SPATA1: variants seen among roughly 807,000 people sequenced by gnomAD.
SPATA1 encodes the protein spermatogenesis associated 1.
Under a neutral mutation model 59.6 loss-of-function variants are expected in SPATA1, and 57 were observed. That is an observed-to-expected ratio of 0.96 (90% CI 0.77 to 1.19). SPATA1 has a LOEUF of 1.19. Ranked by LOEUF, SPATA1 falls within the 50% of genes most tolerant of loss-of-function variation. The pLI, the probability that SPATA1 is intolerant of heterozygous loss-of-function variation, is 0.00. For synonymous variants in SPATA1, 147 were observed against 163.9 expected, an observed-to-expected ratio of 0.90 and a Z score of 0.79; for missense variants, 448 against 480.7, an observed-to-expected ratio of 0.93 and a Z score of 0.64.
chr1:84,513,154 T>G (rs1272345945), intron 1 of SPATA1, among the ~76,000 whole-genome samples: 1 of 152,228 alleles, frequency 6.6e-6, no homozygotes, highest in Non-Finnish European at 1.5e-5. Context: ...AGTTTCGCTC[T>G]TGTTGCCCAG....
At chr1:84,529,834 C>A (rs1468591692) in intron 6 of SPATA1, among the ~76,000 whole-genome samples, 1 of 150,658 alleles carries the variant, frequency 6.6e-6, no homozygotes, top group Non-Finnish European at 1.5e-5. Flanking sequence ...GCATGAGTGA[C>A]TGCGCCCGGC....
chr1:84,557,903 T>C (rs1031810603), downstream of SPATA1, among the ~76,000 whole-genome samples: 1 of 151,926 alleles, frequency 6.6e-6, no homozygotes, highest in Non-Finnish European at 1.5e-5. Flanking sequence ...TAGATTTTTT[T>C]CTAAAGTGGC....
chr1:84,533,977 CTT>C (rs1288875649), intron 8 of SPATA1, among the ~76,000 whole-genome samples: 3 of 151,952 alleles, frequency 2.0e-5, no homozygotes, highest in Non-Finnish European at 4.4e-5. Flanking sequence ...CCACCAACAC[CTT>C]TTTGGATTAT....
exon 13 of SPATA1, chr1:84,553,935 T>A (rs1447839740): frequency 1.3e-5 from 2 of 152,178 alleles, no homozygotes; most frequent in African/African-American, 4.8e-5. Context: ...CTTATTTGTA[T>A]AAAATTGATC....
At chr1:84,558,882 C>G (rs1684529355), downstream of SPATA1, among the ~76,000 whole-genome samples, 2 of 151,804 alleles carry the variant, frequency 1.3e-5, no homozygotes, top group South Asian at 4.1e-4. Flanking sequence ...TCCTGGGTGA[C>G]AGAGCAAAAC....
intron 1 of SPATA1, among the ~76,000 whole-genome samples, chr1:84,509,219 A>AG (rs1682424134): frequency 6.6e-6 from 1 of 152,102 alleles, no homozygotes; most frequent in Non-Finnish European, 1.5e-5. Flanking sequence ...AAAAAAAAAA[A>AG]AAACATAGAC....
intron 8 of SPATA1, among the ~76,000 whole-genome samples, chr1:84,535,220 C>A (rs1356241509): frequency 2.0e-5 from 3 of 152,108 alleles, no homozygotes; most frequent in Non-Finnish European, 4.4e-5. Context: ...TACGCCAATA[C>A]CACATTATCT....
At chr1:84,550,400 T>C in intron 11 of SPATA1, 32 bp from the exon 12 acceptor site, 1 of 1,156,808 alleles carries the variant, frequency 8.6e-7, no homozygotes, top group Non-Finnish European at 1.2e-6. Context: ...GTTTATATGT[T>C]ATACTAAATA....
chr1:84,516,099 G>GTC (rs919585206), intron 1 of SPATA1, 124 bp from the exon 2 acceptor site: 198 of 365,566 alleles, frequency 5.4e-4, no homozygotes, highest in Middle Eastern at 3.7e-3. Context: ...TTATTACACA[G>GTC]TCCTATTTAC....
At chr1:84,546,390 G>A (rs1054312477) in intron 10 of SPATA1, among the ~76,000 whole-genome samples, 6 of 151,150 alleles carry the variant, frequency 4.0e-5, no homozygotes, top group South Asian at 4.2e-4. Context: ...ACCCAGAGGC[G>A]GAAGTTGCAG....
rs1380366381 is a variant in SPATA1, at chr1:84,545,012, C to A, written c.821-622C>A. Reference sequence around the variant, plus strand: ...GATCACAAGGTCAGGAGTTCGAGACCAGCCTGGCCAACATGGTGAAACCCC... The same window carrying A: ...GATCACAAGGTCAGGAGTTCGAGACAAGCCTGGCCAACATGGTGAAACCCC... On this transcript the variant is annotated intron_variant, in intron 9 of 12. Transcript: ENST00000490879. Among the ~76,000 whole-genome samples the A allele has an allele frequency of 1.3e-5, 2 of 150,380 alleles. 1 individual carries two copies. The highest frequency in any genetic ancestry group is 6.4e-3 in the Middle Eastern group (2 of 314).
chr1:84,528,021 G>A lies in SPATA1; in HGVS notation c.544+1948G>A, dbSNP rs146013001. Among the ~76,000 whole-genome samples, 605 of 152,178 alleles carry A rather than the reference G, an allele frequency of 4.0e-3. 5 individuals are homozygous for A. Among genetic ancestry groups the A allele is most frequent in the African/African-American group, 0.014 (578 of 41,530 alleles). On this transcript the variant is annotated intron_variant, in intron 6 of 12. Coordinates refer to ENST00000490879, the Ensembl canonical transcript of SPATA1. ...GCTAGGATTACAGGCGTGAGCCACC[G>A]CTCCAGGCCAGAGCAACATTTTTCT...
chr1:84,550,348 C>A (rs1326088463), intron 11 of SPATA1, 84 bp from the exon 12 acceptor site: 4 of 588,094 alleles, frequency 6.8e-6, no homozygotes, highest in African/African-American at 2.0e-5. Flanking sequence ...TGATCTTTAT[C>A]ATTTCATAGT....
At chr1:84,560,574 C>A (rs1025179948) in intron 4 of SPATA1, among the ~76,000 whole-genome samples, 1 of 152,156 alleles carries the variant, frequency 6.6e-6, no homozygotes, top group Admixed American at 6.5e-5. Flanking sequence ...AGGCAGAGAC[C>A]CCTTTCTTCA....
chr1:84,559,756 G>A (rs980340427), intron 4 of SPATA1, among the ~76,000 whole-genome samples: 17 of 152,156 alleles, frequency 1.1e-4, no homozygotes, highest in Non-Finnish European at 2.5e-4. Flanking sequence ...TGGCCTTCAA[G>A]GCTCACCAAA....
chr1:84,528,451 T>C (rs1683322992), intron 6 of SPATA1, among the ~76,000 whole-genome samples: 1 of 152,230 alleles, frequency 6.6e-6, no homozygotes, highest in Non-Finnish European at 1.5e-5. Flanking sequence ...CCTGATAATA[T>C]AGTTTAGTTA....
intron 9 of SPATA1, among the ~76,000 whole-genome samples, chr1:84,545,226 T>C (rs1453764931): frequency 1.3e-5 from 2 of 148,346 alleles, no homozygotes; most frequent in Non-Finnish European, 3.0e-5. Flanking sequence ...CAAAAAAATA[T>C]ATATATATTT....
intron 7 of SPATA1, among the ~76,000 whole-genome samples, chr1:84,533,413 C>T (rs906390738): frequency 1.3e-5 from 2 of 151,946 alleles, no homozygotes. Context: ...CAGTTATTCA[C>T]AAAAGAACAA....
At chr1:84,513,188 C>T (rs1055591874) in intron 1 of SPATA1, among the ~76,000 whole-genome samples, 1 of 152,164 alleles carries the variant, frequency 6.6e-6, no homozygotes, top group Non-Finnish European at 1.5e-5. Context: ...GGCACAATCT[C>T]GGCTCGGCGC....
Sources: gnomAD v4.1 joint callset for allele counts (sites outside exome capture counted in the v4.1 genomes callset) on GRCh38, gnomAD v4.1.1 for gene constraint, MANE v1.5 for transcripts, NCBI Gene and HGNC (gene_info 2026-07-23, HGNC 2026-07-21) for gene names.